Variants in PTPN14 observed in about 807,000 individuals in gnomAD.
The protein encoded by PTPN14 is tyrosine-protein phosphatase non-receptor type 14.
Under a neutral mutation model 126.8 loss-of-function variants are expected in PTPN14, and 53 were observed. The observed-to-expected ratio is 0.42, with a 90% CI of 0.34 to 0.53. The LOEUF is 0.53. Ranked by LOEUF, PTPN14 falls within the 20% of genes least tolerant of loss-of-function variation. The pLI is 0.08. For missense variants in PTPN14, 1,257 were observed against 1,552.9 expected (o/e 0.81, Z 3.20); for synonymous variants, 630 against 599.3 (o/e 1.05, Z -0.75).
intron 2 of PTPN14, among the ~76,000 whole-genome samples, chr1:214,462,455 C>A (rs747379591): frequency 6.6e-6 from 1 of 152,242 alleles, no homozygotes; most frequent in Non-Finnish European, 1.5e-5. Flanking sequence ...TGCTCTTTCA[C>A]ATCCTTGGAT....
chr1:214,477,254 T>C (rs1660887364), intron 1 of PTPN14, among the ~76,000 whole-genome samples: 1 of 152,214 alleles, frequency 6.6e-6, no homozygotes, highest in African/African-American at 2.4e-5. Context: ...TAAAGAGTTG[T>C]ATAATCCCAA....
chr1:214,520,918 G>C (rs180822246), intron 1 of PTPN14, among the ~76,000 whole-genome samples: 13 of 152,158 alleles, frequency 8.5e-5, no homozygotes, highest in African/African-American at 3.1e-4. Flanking sequence ...ATTTACCCCA[G>C]GCCAGTGTCT....
chr1:214,377,471 T>C (rs889358201), intron 14 of PTPN14, among the ~76,000 whole-genome samples: 5 of 152,100 alleles, frequency 3.3e-5, no homozygotes, highest in African/African-American at 1.2e-4. Flanking sequence ...AACAAACCCC[T>C]GTGACATGTG....
At chr1:214,423,424 T>C (rs1229015208) in intron 3 of PTPN14, among the ~76,000 whole-genome samples, 3 of 152,228 alleles carry the variant, frequency 2.0e-5, no homozygotes, top group Non-Finnish European at 4.4e-5. Flanking sequence ...AGACTCTGTA[T>C]GGATGGGAGT....
At chr1:214,394,680 T>C (rs1217340897) in intron 9 of PTPN14, among the ~76,000 whole-genome samples, 2 of 152,214 alleles carry the variant, frequency 1.3e-5, no homozygotes, top group Non-Finnish European at 2.9e-5. Context: ...AGTGTTGGGA[T>C]TACAGGCATG....
intron 1 of PTPN14, among the ~76,000 whole-genome samples, chr1:214,507,910 G>A (rs1305795718): frequency 6.6e-6 from 1 of 152,050 alleles, no homozygotes; most frequent in Admixed American, 6.6e-5. Flanking sequence ...GAGCCCAGAA[G>A]TTCCAGGCTG....
intron 1 of PTPN14, among the ~76,000 whole-genome samples, chr1:214,534,382 C>T (rs1224188735): frequency 1.3e-5 from 2 of 152,058 alleles, no homozygotes; most frequent in African/African-American, 4.8e-5. Context: ...AGTATCAAGC[C>T]ACAAGAGAAT....
chr1:214,386,818 A>G, intron 12 of PTPN14, 26 bp downstream of exon 12: 1 of 1,543,722 alleles, frequency 6.5e-7, no homozygotes, highest in South Asian at 1.1e-5. Context: ...TTGTCTTAAG[A>G]AGGGAGAACG....
At chr1:214,519,288 C>T (rs116175957) in intron 1 of PTPN14, among the ~76,000 whole-genome samples, 2,966 of 152,116 alleles carry the variant, frequency 0.019, 81 homozygotes, top group African/African-American at 0.068. Flanking sequence ...CAAAACAAAA[C>T]TCAACAATCA....
At chr1:214,453,639 CCACCATCGCCACCACCAT>C (rs1176527869) in intron 2 of PTPN14, among the ~76,000 whole-genome samples, 7 of 152,132 alleles carry the variant, frequency 4.6e-5, no homozygotes, top group Non-Finnish European at 1.0e-4. Context: ...ACCACCACCA[CCACCATCGCCACCACCAT>C]CATCATCATC....
intron 1 of PTPN14, among the ~76,000 whole-genome samples, chr1:214,512,222 C>T (rs913326062): frequency 6.6e-6 from 1 of 152,086 alleles, no homozygotes; most frequent in Non-Finnish European, 1.5e-5. Flanking sequence ...CACAGCCTAC[C>T]AGATTTACTC....
intron 1 of PTPN14, among the ~76,000 whole-genome samples, chr1:214,501,568 A>T (rs1236717377): frequency 6.6e-6 from 1 of 152,122 alleles, no homozygotes; most frequent in Non-Finnish European, 1.5e-5. Context: ...TTCTATGAAC[A>T]ATTAGGCTAT....
chr1:214,475,371 C>T (rs1047187854), intron 1 of PTPN14, among the ~76,000 whole-genome samples: 2 of 152,084 alleles, frequency 1.3e-5, no homozygotes, highest in African/African-American at 4.8e-5. Context: ...AGTAAAATGA[C>T]AAGTTCTTTA....
chr1:214,547,877 C>T (rs1021490883), intron 1 of PTPN14, among the ~76,000 whole-genome samples: 4 of 151,326 alleles, frequency 2.6e-5, no homozygotes, highest in African/African-American at 9.8e-5. Flanking sequence ...ATGGCAGCTG[C>T]CAGCCAACAT....
chr1:214,520,888 C>T (rs1329838237), intron 1 of PTPN14, among the ~76,000 whole-genome samples: 1 of 151,988 alleles, frequency 6.6e-6, no homozygotes, highest in Non-Finnish European at 1.5e-5. Context: ...TTCTTTTCTA[C>T]CCACCTGGAC....
intron 3 of PTPN14, among the ~76,000 whole-genome samples, chr1:214,439,513 C>T (rs1367501863): frequency 2.0e-5 from 3 of 152,170 alleles, no homozygotes; most frequent in Admixed American, 6.5e-5. Context: ...CTCTGAATAA[C>T]GGTAACTCAT....
At chr1:214,507,918 C>T (rs1448707600) in intron 1 of PTPN14, among the ~76,000 whole-genome samples, 1 of 152,102 alleles carries the variant, frequency 6.6e-6, no homozygotes, top group Non-Finnish European at 1.5e-5. Context: ...AAGTTCCAGG[C>T]TGCAGTGAGC....
intron 1 of PTPN14, among the ~76,000 whole-genome samples, chr1:214,521,267 C>G (rs1399475335): frequency 6.6e-6 from 1 of 152,126 alleles, no homozygotes; most frequent in African/African-American, 2.4e-5. Context: ...ACTTGACGGC[C>G]CCTTAGTTAA....
At chr1:214,379,941 T>TA (rs1335252163) in intron 13 of PTPN14, among the ~76,000 whole-genome samples, 3 of 152,248 alleles carry the variant, frequency 2.0e-5, no homozygotes, top group Admixed American at 2.0e-4. Context: ...CTTGGCAGAA[T>TA]AAACTTTCTA....
Sources: gnomAD v4.1 joint callset for allele counts (sites outside exome capture counted in the v4.1 genomes callset) on GRCh38, gnomAD v4.1.1 for gene constraint, MANE v1.5 for transcripts, NCBI Gene and HGNC (gene_info 2026-07-23, HGNC 2026-07-21) for gene names.